NALF1: variants seen among roughly 807,000 people sequenced by gnomAD.
NALF1 encodes the protein NALCN channel auxiliary factor 1, also known as family with sequence similarity 155 member A.
NALF1 carries 3 observed loss-of-function variants against 48.4 expected under a neutral mutation model. The observed-to-expected ratio is 0.06, with a 90% confidence interval of 0.03 to 0.16. The LOEUF (loss-of-function observed/expected upper bound fraction) is 0.16. Ranked by LOEUF, NALF1 falls within the 10% of genes least tolerant of loss-of-function variation. The pLI, the probability that NALF1 is intolerant of heterozygous loss-of-function variation, is 1.00. For missense variants in NALF1, 526 were observed against 571.5 expected (o/e 0.92, Z 0.81); for synonymous variants, 262 against 245.7 (o/e 1.07, Z -0.62).
At chr13:107,551,332 T>C (rs1414745787) in intron 1 of NALF1, among the ~76,000 whole-genome samples, 10 of 152,168 alleles carry the variant, frequency 6.6e-5, no homozygotes, top group Admixed American at 1.3e-4. Flanking sequence ...CAGTTTTGTG[T>C]GCTTTCTGAA....
chr13:107,768,760 A>C (rs1022745335), intron 1 of NALF1, among the ~76,000 whole-genome samples: 6 of 152,210 alleles, frequency 3.9e-5, no homozygotes, highest in African/African-American at 1.4e-4. Context: ...AGGTTTTACA[A>C]AATGGGAGAA....
rs553494251 is a variant in NALF1 at position 107,406,296 on chromosome 13, T to C, written c.916-195541A>G. Among the ~76,000 whole-genome samples, 166 of 152,154 alleles carry C rather than the reference T, an allele frequency of 1.1e-3. 2 individuals carry two copies. Among genetic ancestry groups the C allele is most frequent in the Non-Finnish European group, 2.0e-3 (135 of 67,960 alleles). On this transcript the variant is annotated intron_variant, in intron 1 of 2. Transcript: ENST00000375915. The stretch of plus-strand genomic sequence containing the variant: ...TTCCAATCAAAAGACATCAAGTGGA[T>C]GAATGGATAAAAAAAGACCCAATGA...
intron 1 of NALF1, among the ~76,000 whole-genome samples, chr13:107,332,861 G>T (rs1007130788): frequency 2.0e-5 from 3 of 151,664 alleles, no homozygotes; most frequent in African/African-American, 7.3e-5. Flanking sequence ...TTTTGTTTTT[G>T]TTGAGACAGA....
At chr13:107,604,326 T>C (rs1030718687) in intron 1 of NALF1, among the ~76,000 whole-genome samples, 2 of 152,212 alleles carry the variant, frequency 1.3e-5, no homozygotes, top group African/African-American at 4.8e-5. Context: ...TTTTTTTAAA[T>C]CTACATTTAG....
chr13:107,306,919 T>C (rs1278583417), intron 1 of NALF1, among the ~76,000 whole-genome samples: 2 of 152,150 alleles, frequency 1.3e-5, no homozygotes, highest in African/African-American at 4.8e-5. Context: ...GAGCACACCA[T>C]TGCCCTTCAG....
rs1338336260 is a variant in NALF1 at position 107,325,865 on chromosome 13, TATATATATATATATATATATATAC to T, written c.916-115134_916-115111del. ...CAACACACACACACACATATATATA[TATATATATATATATATATATATAC>T]ACACACACACACACACACATATATA... is the stretch of plus-strand genomic sequence containing the variant. On this transcript the variant is annotated intron_variant, in intron 1 of 2. Coordinates refer to ENST00000375915, the MANE Select transcript of NALF1 (RefSeq NM_001080396.3). Among the ~76,000 whole-genome samples, 50 of 83,280 alleles carry T rather than the reference TATATATATATATATATATATATAC, an allele frequency of 6.0e-4. 1 individual carries two copies. Among genetic ancestry groups the T allele is most frequent in the African/African-American group, 1.7e-3 (47 of 28,392 alleles). The allele number at this position is 83,280 out of a possible 152,430, so 54.6% of individuals were successfully genotyped here. A position where few individuals can be genotyped will look rare whatever the true frequency, so the allele number is the denominator to read the frequency against.
chr13:107,687,562 C>G (rs188704643), intron 1 of NALF1, among the ~76,000 whole-genome samples: 1 of 151,024 alleles, frequency 6.6e-6, no homozygotes, highest in Admixed American at 6.6e-5. Context: ...GGTCACAAAC[C>G]GAAGTGTAGG....
At chr13:107,214,822 T>C (rs9587323) in intron 1 of NALF1, among the ~76,000 whole-genome samples, 6 of 152,204 alleles carry the variant, frequency 3.9e-5, no homozygotes, top group Non-Finnish European at 8.8e-5. Context: ...ATTTTTCTCT[T>C]TTTCCCCTGA....
chr13:107,176,370 C>T (rs1427498062), intron 2 of NALF1, among the ~76,000 whole-genome samples: 4 of 135,618 alleles, frequency 2.9e-5, no homozygotes, highest in African/African-American at 8.4e-5. Flanking sequence ...GGGCTGGATG[C>T]GGTGGCTCAT....
intron 1 of NALF1, among the ~76,000 whole-genome samples, chr13:107,448,611 T>G (rs909788505): frequency 1.3e-5 from 2 of 152,180 alleles, no homozygotes; most frequent in African/African-American, 2.4e-5. Context: ...TCATGTATTT[T>G]TATGCATTAC....
chr13:107,607,038 T>C (rs779106785), intron 1 of NALF1, among the ~76,000 whole-genome samples: 10 of 152,202 alleles, frequency 6.6e-5, no homozygotes, highest in Non-Finnish European at 1.5e-4. Context: ...TATACATTGG[T>C]GCAAAAGTAT....
intron 1 of NALF1, among the ~76,000 whole-genome samples, chr13:107,427,361 A>G (rs1299385826): frequency 1.3e-5 from 2 of 152,070 alleles, no homozygotes. Flanking sequence ...TCTCTAGAGT[A>G]TAATAACAGA....
chr13:107,533,809 G>A (rs998522750), intron 1 of NALF1, among the ~76,000 whole-genome samples: 2 of 152,216 alleles, frequency 1.3e-5, no homozygotes, highest in Non-Finnish European at 1.5e-5. Flanking sequence ...CATGTCTTCC[G>A]TTAAGGTCTC....
At chr13:107,171,751 A>AT (rs1198152389) in intron 2 of NALF1, among the ~76,000 whole-genome samples, 11 of 152,046 alleles carry the variant, frequency 7.2e-5, no homozygotes, top group Admixed American at 4.6e-4. Context: ...GTCATAGTGT[A>AT]TTTTTTTTCT....
intron 1 of NALF1, among the ~76,000 whole-genome samples, chr13:107,790,459 A>T (rs544320591): frequency 1.3e-5 from 2 of 152,332 alleles, no homozygotes; most frequent in South Asian, 4.1e-4. Flanking sequence ...AATTAATTTA[A>T]ATCTGTTCTG....
At chr13:107,533,526 C>T (rs1876707844) in intron 1 of NALF1, among the ~76,000 whole-genome samples, 2 of 152,072 alleles carry the variant, frequency 1.3e-5, no homozygotes, top group Non-Finnish European at 2.9e-5. Context: ...ACTTCCCTGC[C>T]TTTTGAATGG....
At chr13:107,490,090 G>A (rs948412740) in intron 1 of NALF1, among the ~76,000 whole-genome samples, 1 of 152,132 alleles carries the variant, frequency 6.6e-6, no homozygotes. Context: ...ATTCTGGCAA[G>A]GTTGTGGAGA....
At chr13:107,770,582 T>C (rs1017662118) in intron 1 of NALF1, among the ~76,000 whole-genome samples, 1 of 152,234 alleles carries the variant, frequency 6.6e-6, no homozygotes, top group Non-Finnish European at 1.5e-5. Flanking sequence ...GTTTCACAAG[T>C]AAGTAATATG....
chr13:107,315,169 G>A (rs925304180), intron 1 of NALF1, among the ~76,000 whole-genome samples: 2 of 151,882 alleles, frequency 1.3e-5, no homozygotes, highest in Non-Finnish European at 2.9e-5. Flanking sequence ...ATAAAAAAGC[G>A]AAAGAATTAA....
Sources: allele counts gnomAD v4.1 joint callset (sites outside exome capture counted in the v4.1 genomes callset), GRCh38; gene constraint gnomAD v4.1.1; transcripts MANE v1.5; gene names NCBI Gene and HGNC (gene_info 2026-07-23, HGNC 2026-07-21).